Variants in GSE1 observed in about 807,000 individuals in gnomAD.
GSE1 encodes the protein Gse1 coiled-coil protein, also known as genetic suppressor element 1.
GSE1 carries 32 observed loss-of-function variants against 112.6 expected under a neutral mutation model. That is an observed-to-expected ratio of 0.28 (90% CI 0.21 to 0.38). GSE1 has a LOEUF of 0.38. Among genes scored for constraint, GSE1 ranks in the 10% least tolerant of loss-of-function variants. GSE1 has a pLI of 1.00. For synonymous variants in GSE1, 1,115 were observed against 735.6 expected (o/e 1.52, Z -8.35); for missense variants, 2,348 against 1,699.2 (o/e 1.38, Z -6.71).
intron 2 of GSE1, among the ~76,000 whole-genome samples, chr16:85,448,118 C>T (rs2049566003): frequency 6.6e-6 from 1 of 152,216 alleles, no homozygotes; most frequent in Admixed American, 6.5e-5. Flanking sequence ...CTCCGCCTGC[C>T]CTGCCCGCAT....
upstream of GSE1, among the ~76,000 whole-genome samples, chr16:85,551,896 A>G (rs528263976): frequency 6.6e-6 from 1 of 152,360 alleles, no homozygotes; most frequent in East Asian, 1.9e-4. Flanking sequence ...AAGATCAGCC[A>G]GGAGCTGGCC....
intron 2 of GSE1, among the ~76,000 whole-genome samples, chr16:85,538,615 C>T (rs546958711): frequency 6.6e-6 from 1 of 152,220 alleles, no homozygotes; most frequent in South Asian, 2.1e-4. Flanking sequence ...GGAAGCCAGC[C>T]GGTGGTTTCA....
At chr16:85,346,284 AGATG>A (rs2046734878) in intron 1 of GSE1, among the ~76,000 whole-genome samples, 2 of 149,884 alleles carry the variant, frequency 1.3e-5, no homozygotes, top group South Asian at 4.3e-4. Context: ...GATGATGGAC[AGATG>A]GATGAATAGT....
chr16:85,517,416 C>A (rs967775482), intron 2 of GSE1, among the ~76,000 whole-genome samples: 7 of 152,212 alleles, frequency 4.6e-5, no homozygotes, highest in Non-Finnish European at 8.8e-5. Context: ...AAAAAGCTTC[C>A]AGCAGACTCC....
At chr16:85,564,839 A>G (rs182504333) in intron 1 of GSE1, among the ~76,000 whole-genome samples, 168 of 152,250 alleles carry the variant, frequency 1.1e-3, no homozygotes, top group Admixed American at 2.0e-3. Context: ...GGCCAGAGAG[A>G]TAGATGCATT....
At chr16:85,658,730 C>T (rs542849458) in intron 8 of GSE1, among the ~76,000 whole-genome samples, 1 of 152,354 alleles carries the variant, frequency 6.6e-6, no homozygotes, top group Non-Finnish European at 1.5e-5. Context: ...GCCTACTACC[C>T]AGAGGACTGA....
In GSE1 at chr16:85,419,851, G is replaced by GGC. The variant is rs1289761404; in HGVS notation, c.2464+62209_2464+62210dup. Among the ~76,000 whole-genome samples the GGC allele has an allele frequency of 2.0e-5, 3 of 152,046 alleles. No homozygotes were observed. The highest frequency in any genetic ancestry group is 7.2e-5 in the African/African-American group (3 of 41,472). ...GGAACTCCACAGGTGAAGTGGAGTG[G>GGC]GCAGCCAGGGCTGACCACCACTGCT... On this transcript the variant is annotated intron_variant, in intron 2 of 2. Transcript: ENST00000637419. This position sits in a 1 kb window ranked among gnomAD's most constrained non-coding sequence, Gnocchi z 6.5.
At chr16:85,520,009 G>T (rs2052126625) in intron 2 of GSE1, among the ~76,000 whole-genome samples, 2 of 152,166 alleles carry the variant, frequency 1.3e-5, no homozygotes, top group Admixed American at 6.6e-5. Context: ...TGGGTGCATA[G>T]GGAGGCCCAG....
chr16:85,284,459 G>C (rs948458867), intron 1 of GSE1, among the ~76,000 whole-genome samples: 2 of 152,230 alleles, frequency 1.3e-5, no homozygotes, highest in Non-Finnish European at 2.9e-5. Flanking sequence ...CTCTGTCCCA[G>C]AAACCTGAGC....
chr16:85,506,074 C>T (rs1240276215), intron 2 of GSE1, among the ~76,000 whole-genome samples: 2 of 152,126 alleles, frequency 1.3e-5, no homozygotes, highest in Non-Finnish European at 2.9e-5. Context: ...GTGAGTCGAA[C>T]CAGGCACCCA....
At chr16:85,515,598 A>G (rs1003028685) in intron 2 of GSE1, among the ~76,000 whole-genome samples, 6 of 131,876 alleles carry the variant, frequency 4.5e-5, no homozygotes, top group African/African-American at 1.8e-4. Context: ...AGACTGGGCC[A>G]GGCAGTTTTC....
At chr16:85,287,953 CT>C (rs2045089194) in intron 1 of GSE1, among the ~76,000 whole-genome samples, 1 of 152,134 alleles carries the variant, frequency 6.6e-6, no homozygotes, top group East Asian at 1.9e-4. Context: ...GAAATAAGCG[CT>C]ATTGGCCGGG....
intron 2 of GSE1, among the ~76,000 whole-genome samples, chr16:85,472,580 A>C (rs1270716194): frequency 6.6e-6 from 1 of 152,314 alleles, no homozygotes; most frequent in South Asian, 2.1e-4. Context: ...TTACGGGGTG[A>C]CCATGCATTA....
At chr16:85,540,644 GT>G (rs2044486027) in intron 2 of GSE1, among the ~76,000 whole-genome samples, 1 of 152,246 alleles carries the variant, frequency 6.6e-6, no homozygotes, top group Non-Finnish European at 1.5e-5. Context: ...GTACCCAGGT[GT>G]GGTGGCTCAC....
intron 1 of GSE1, among the ~76,000 whole-genome samples, chr16:85,281,877 C>T (rs761467697): frequency 2.3e-4 from 35 of 152,256 alleles, no homozygotes; most frequent in Non-Finnish European, 3.7e-4. Flanking sequence ...GAGCAGGACA[C>T]GCCCACCACA....
chr16:85,471,701 A>G (rs2050301113), intron 2 of GSE1, among the ~76,000 whole-genome samples: 1 of 138,230 alleles, frequency 7.2e-6, no homozygotes, highest in South Asian at 2.5e-4. Flanking sequence ...CACTGCACCC[A>G]GCCCATTTAT....
Position 85,523,915 on chromosome 16 carries a change from C to T in GSE1, c.2465-109999C>T, listed in dbSNP as rs887867776. Among the ~76,000 whole-genome samples the T allele has an allele frequency of 5.3e-5, 8 of 152,232 alleles. No individual in the cohort carries two copies. In the East Asian group the frequency reaches 7.7e-4, roughly 15 times the overall value. ...CCCAGGCTGAGCAGAGGTGGGAGGG[C>T]GCAGGAGGGGGCAGCTTACTCCCTC... is the stretch of plus-strand genomic sequence containing the variant. On this transcript the variant is annotated intron_variant, in intron 2 of 2. Coordinates refer to the GSE1 transcript ENST00000637419.
rs1447357346 is a variant in GSE1 at position 85,247,361 on chromosome 16, G to A, written c.2283+75554G>A. Among the ~76,000 whole-genome samples the A allele has an allele frequency of 1.4e-4, 22 of 152,180 alleles. No homozygotes were observed. In the East Asian group the frequency reaches 3.5e-3, roughly 24 times the overall value. ...ATGGACAATGGATGGGAAACCCACC[G>A]CAGCACTGGGAGATCCTCAGAGCTC... On this transcript the variant is annotated intron_variant, in intron 1 of 2. Coordinates refer to the GSE1 transcript ENST00000637419.
intron 2 of GSE1, among the ~76,000 whole-genome samples, chr16:85,383,030 G>GCACA: frequency 6.6e-6 from 1 of 151,108 alleles, no homozygotes; most frequent in Non-Finnish European, 1.5e-5. Context: ...ACCCACACAT[G>GCACA]CACACACACA....
Sources: allele counts gnomAD v4.1 joint callset (sites outside exome capture counted in the v4.1 genomes callset), GRCh38; gene constraint gnomAD v4.1.1; non-coding constraint Gnocchi (gnomAD v3.1); transcripts MANE v1.5; gene names NCBI Gene and HGNC (gene_info 2026-07-23, HGNC 2026-07-21).